Variants in CSMD1 observed in about 807,000 individuals in gnomAD.
The protein encoded by CSMD1 is CUB and sushi domain-containing protein 1.
Under a neutral mutation model 417.5 loss-of-function variants are expected in CSMD1, and 213 were observed. That is an observed-to-expected ratio of 0.51 (90% confidence interval 0.46 to 0.57). The LOEUF (loss-of-function observed/expected upper bound fraction) is 0.57. Among genes scored for constraint, CSMD1 ranks in the 20% least tolerant of loss-of-function variants. The probability of loss-of-function intolerance (pLI) is 0.00; values close to 1 mark genes in which losing one functional copy is unlikely to be tolerated. For missense variants in CSMD1, 6,923 were observed against 4,529.7 expected (o/e 1.53, Z -15.17); for synonymous variants, 2,862 against 1,736.8 (o/e 1.65, Z -16.11).
At chr8:4,837,090 A>G (rs989539643) in intron 1 of CSMD1, among the ~76,000 whole-genome samples, 1 of 152,138 alleles carries the variant, frequency 6.6e-6, no homozygotes, top group Non-Finnish European at 1.5e-5. Flanking sequence ...GTGGTAATTA[A>G]TGAGGGCTTC....
intron 5 of CSMD1, among the ~76,000 whole-genome samples, chr8:3,835,716 T>C (rs1374082652): frequency 1.6e-5 from 1 of 63,846 alleles, no homozygotes; most frequent in Non-Finnish European, 3.1e-5. Flanking sequence ...TATAATAAAA[T>C]TAACAAAAAA....
At chr8:4,146,153 A>G (rs540197278) in intron 3 of CSMD1, among the ~76,000 whole-genome samples, 1 of 151,062 alleles carries the variant, frequency 6.6e-6, no homozygotes, top group South Asian at 2.1e-4. Flanking sequence ...TGGGTGACAT[A>G]TAATCCAGCC....
intron 1 of CSMD1, among the ~76,000 whole-genome samples, chr8:4,655,725 T>G (rs948700891): frequency 4.6e-4 from 70 of 151,978 alleles, no homozygotes; most frequent in African/African-American, 1.6e-3. Flanking sequence ...AAAAATGATG[T>G]TCATAAGAAA....
intron 5 of CSMD1, among the ~76,000 whole-genome samples, chr8:3,967,511 A>G (rs1267542778): frequency 6.6e-6 from 1 of 151,946 alleles, no homozygotes; most frequent in African/African-American, 2.4e-5. Context: ...GCGGACTTGG[A>G]TGGAGAATTA....
intron 32 of CSMD1, among the ~76,000 whole-genome samples, chr8:3,201,123 A>C (rs921717341): frequency 6.6e-6 from 1 of 152,196 alleles, no homozygotes; most frequent in Non-Finnish European, 1.5e-5. Flanking sequence ...ATAACATTCC[A>C]TGTTTTATGG....
At chr8:3,448,943 G>A (rs1188200342) in intron 12 of CSMD1, among the ~76,000 whole-genome samples, 2 of 152,184 alleles carry the variant, frequency 1.3e-5, no homozygotes, top group East Asian at 1.9e-4. Context: ...AAGAGTAAAT[G>A]TAGGAAAGAA....
intron 5 of CSMD1, among the ~76,000 whole-genome samples, chr8:3,757,921 A>T (rs1230996742): frequency 6.6e-6 from 1 of 152,186 alleles, no homozygotes; most frequent in East Asian, 1.9e-4. Flanking sequence ...GATGATGCAT[A>T]GCAGCCTAGT....
intron 23 of CSMD1, among the ~76,000 whole-genome samples, chr8:3,315,437 A>AGTGTGTGTGTGTGT (rs35460301): frequency 5.9e-4 from 73 of 124,162 alleles, no homozygotes; most frequent in Middle Eastern, 7.8e-3. Flanking sequence ...AGGTGAAGTG[A>AGTGTGTGTGTGTGT]GTGTGTGTGT....
chr8:3,302,031 G>C (rs982442845), intron 25 of CSMD1, among the ~76,000 whole-genome samples: 1 of 151,996 alleles, frequency 6.6e-6, no homozygotes, highest in Non-Finnish European at 1.5e-5. Flanking sequence ...GTTTTAGGTG[G>C]GAAATTATTG....
At chr8:4,176,535 C>G (rs983648198) in intron 3 of CSMD1, among the ~76,000 whole-genome samples, 2 of 152,092 alleles carry the variant, frequency 1.3e-5, no homozygotes, top group African/African-American at 4.8e-5. Context: ...AATCACCATT[C>G]TGATCCCTAC....
At chr8:4,084,536 G>A (rs925705257) in intron 3 of CSMD1, among the ~76,000 whole-genome samples, 1 of 151,958 alleles carries the variant, frequency 6.6e-6, no homozygotes, top group Non-Finnish European at 1.5e-5. Flanking sequence ...ACTTCCTCAA[G>A]GAAAAGGACA....
intron 5 of CSMD1, among the ~76,000 whole-genome samples, chr8:3,869,383 A>C (rs1805324796): frequency 6.6e-6 from 1 of 152,180 alleles, no homozygotes; most frequent in Non-Finnish European, 1.5e-5. Flanking sequence ...AGAGACTGAT[A>C]GGTCTATGAA....
chr8:4,390,213 T>C (rs1803747973), intron 3 of CSMD1, among the ~76,000 whole-genome samples: 1 of 152,166 alleles, frequency 6.6e-6, no homozygotes, highest in Admixed American at 6.5e-5. Context: ...TTTTGACCAG[T>C]CAGGTTTCCT....
At chr8:4,247,554 A>G (rs1170646624) in intron 3 of CSMD1, among the ~76,000 whole-genome samples, 1 of 152,170 alleles carries the variant, frequency 6.6e-6, no homozygotes, top group Admixed American at 6.5e-5. Flanking sequence ...AAAGGCTTTT[A>G]AGAATTCCGC....
chr8:4,785,971 A>G (rs2117210008), intron 1 of CSMD1, among the ~76,000 whole-genome samples: 1 of 152,322 alleles, frequency 6.6e-6, no homozygotes, highest in African/African-American at 2.4e-5. Context: ...TAGGAAAGAC[A>G]TCCTGCATGG....
chr8:4,135,482 A>G (rs1221113483), intron 3 of CSMD1, among the ~76,000 whole-genome samples: 1 of 152,034 alleles, frequency 6.6e-6, no homozygotes. Flanking sequence ...TACACACTAA[A>G]TATCCCCACA....
intron 11 of CSMD1, among the ~76,000 whole-genome samples, chr8:3,490,163 G>C (rs1341629724): frequency 1.3e-5 from 2 of 152,184 alleles, no homozygotes; most frequent in African/African-American, 4.8e-5. Context: ...ATATATCAGT[G>C]GCTTTTCTTT....
intron 11 of CSMD1, among the ~76,000 whole-genome samples, chr8:3,479,513 T>C (rs945291991): frequency 6.6e-6 from 1 of 152,134 alleles, no homozygotes; most frequent in African/African-American, 2.4e-5. Flanking sequence ...CTCCCGACCT[T>C]AGGTGATCTG....
intron 3 of CSMD1, among the ~76,000 whole-genome samples, chr8:4,117,066 A>T (rs1802196726): frequency 6.6e-6 from 1 of 151,882 alleles, no homozygotes; most frequent in African/African-American, 2.4e-5. Context: ...AACCAGAATG[A>T]AATCTGGCCT....
Sources: allele counts gnomAD v4.1 joint callset (sites outside exome capture counted in the v4.1 genomes callset), GRCh38; gene constraint gnomAD v4.1.1; transcripts MANE v1.5; gene names NCBI Gene and HGNC (gene_info 2026-07-23, HGNC 2026-07-21).